PMFBP1: variants seen among roughly 807,000 people sequenced by gnomAD.
PMFBP1 encodes the protein polyamine-modulated factor 1-binding protein 1.
In PMFBP1, 131 loss-of-function variants were observed where a neutral mutation model predicts 137.8. The observed-to-expected ratio is 0.95, with a 90% CI of 0.82 to 1.10. The LOEUF is 1.10. Among genes scored for constraint, PMFBP1 ranks in the 50% least tolerant of loss-of-function variants. The pLI, the probability that PMFBP1 is intolerant of heterozygous loss-of-function variation, is 0.00. For missense variants in PMFBP1, 1,199 were observed against 1,175.4 expected, an observed-to-expected ratio of 1.02 and a Z score of -0.29; for synonymous variants, 490 against 450.4, an observed-to-expected ratio of 1.09 and a Z score of -1.11.
the PMFBP1 span, among the ~76,000 whole-genome samples, chr16:72,190,200 C>A: frequency 1.3e-5 from 2 of 152,262 alleles, no homozygotes; most frequent in Non-Finnish European, 2.9e-5. Flanking sequence ...AATCTCCTGA[C>A]CTTTGTTAGT....
the PMFBP1 span, among the ~76,000 whole-genome samples, chr16:72,200,789 C>T: frequency 1.3e-5 from 2 of 152,174 alleles, no homozygotes; most frequent in Non-Finnish European, 2.9e-5. Context: ...TAGGTGGGTG[C>T]ATTTTAAAGA....
the PMFBP1 span, among the ~76,000 whole-genome samples, chr16:72,205,744 T>C: frequency 2.0e-5 from 3 of 152,308 alleles, no homozygotes; most frequent in South Asian, 6.2e-4. Flanking sequence ...CATAGAGTTC[T>C]TGGAGATCAT....
At chr16:72,196,530 C>A in the PMFBP1 span, among the ~76,000 whole-genome samples, 1 of 152,252 alleles carries the variant, frequency 6.6e-6, no homozygotes, top group Non-Finnish European at 1.5e-5. Context: ...TCTAACCCTA[C>A]CATTTCACTC....
chr16:72,205,350 G>A, the PMFBP1 span, among the ~76,000 whole-genome samples: 1 of 152,244 alleles, frequency 6.6e-6, no homozygotes, highest in Non-Finnish European at 1.5e-5. Context: ...TCCTGCTACC[G>A]ATTTTCCCTG....
chr16:72,207,002 C>T, the PMFBP1 span, among the ~76,000 whole-genome samples: 1 of 151,840 alleles, frequency 6.6e-6, no homozygotes, highest in Admixed American at 6.6e-5. Context: ...GCTCCAATGG[C>T]CTGGAGCTCC....
Position 72,130,638 on chromosome 16 carries a change from A to G in PMFBP1, c.1532T>C (p.Leu511Pro). 2 of 1,613,822 alleles carry G rather than the reference A, an allele frequency of 1.2e-6. No individual in the cohort carries two copies. Among genetic ancestry groups the G allele is most frequent in the African/African-American group, 1.3e-5 (1 of 74,922 alleles). Residue 511 changes from leucine (L) to proline (P), a missense_variant, in exon 11 of 21, where the codon CTC becomes CCC. Transcript: ENST00000237353. Reference protein sequence around the residue: ...EDTQRKLQKGLLLDKQKADTI... With the variant: ...EDTQRKLQKGPLLDKQKADTI... ...GTCTGCCTTCTGCTTGTCCAGGAGG[A>G]GACCCTTCTGCAGTTTCCTCTGGGT...
At chr16:72,196,466 A>T in the PMFBP1 span, among the ~76,000 whole-genome samples, 8,024 of 152,226 alleles carry the variant, frequency 0.053, 560 homozygotes, top group South Asian at 0.32. Flanking sequence ...ATCAGTAAAC[A>T]TAACACCTGT....
chr16:72,213,624 A>T, the PMFBP1 span, among the ~76,000 whole-genome samples: 2 of 152,312 alleles, frequency 1.3e-5, no homozygotes, highest in African/African-American at 4.8e-5. Flanking sequence ...AGACATCCTG[A>T]GTTAGAGGAC....
the PMFBP1 span, among the ~76,000 whole-genome samples, chr16:72,224,069 T>C: frequency 2.0e-5 from 3 of 152,190 alleles, no homozygotes; most frequent in Non-Finnish European, 4.4e-5. Flanking sequence ...CTGAGTTCTC[T>C]GAAGTGATAA....
the PMFBP1 span, among the ~76,000 whole-genome samples, chr16:72,245,785 CCT>C: frequency 6.6e-6 from 1 of 152,052 alleles, no homozygotes; most frequent in South Asian, 2.1e-4. Context: ...ATGGCTTCTC[CCT>C]CTCTCTCTCC....
intron 3 of PMFBP1, among the ~76,000 whole-genome samples, chr16:72,155,661 G>T (rs1417349017): frequency 1.3e-5 from 2 of 152,104 alleles, no homozygotes; most frequent in Non-Finnish European, 2.9e-5. Context: ...CTAATACCGT[G>T]GCTTTCAAAT....
At chr16:72,143,955 C>A (rs958765956) in intron 5 of PMFBP1, among the ~76,000 whole-genome samples, 2 of 151,830 alleles carry the variant, frequency 1.3e-5, no homozygotes, top group African/African-American at 2.4e-5. Context: ...GCAGGAGAAT[C>A]GCTTGAACCT....
intron 3 of PMFBP1, among the ~76,000 whole-genome samples, chr16:72,157,264 A>T (rs984999244): frequency 1.3e-5 from 2 of 152,006 alleles, no homozygotes; most frequent in Non-Finnish European, 2.9e-5. Flanking sequence ...GGAGAGCGAA[A>T]ACTAAGCAAG....
the PMFBP1 span, among the ~76,000 whole-genome samples, chr16:72,208,847 T>G: frequency 1.3e-5 from 2 of 152,218 alleles, no homozygotes; most frequent in Non-Finnish European, 2.9e-5. Flanking sequence ...TTGTGTCAGC[T>G]GGGGCAGGTG....
the PMFBP1 span, among the ~76,000 whole-genome samples, chr16:72,240,067 A>G: frequency 3.9e-5 from 6 of 152,146 alleles, no homozygotes; most frequent in Non-Finnish European, 8.8e-5. Context: ...AATGCACAGA[A>G]CATTTCAGCT....
intron 15 of PMFBP1, 77 bp from the exon 16 acceptor site, chr16:72,125,482 T>G (rs1597459930): frequency 6.9e-7 from 1 of 1,457,464 alleles, no homozygotes; most frequent in Non-Finnish European, 9.3e-7. Flanking sequence ...TGGAGGAGGG[T>G]TCCAGTCCCT....
At chr16:72,142,003 C>T (rs1597473166) in intron 5 of PMFBP1, among the ~76,000 whole-genome samples, 1 of 115,362 alleles carries the variant, frequency 8.7e-6, no homozygotes, top group South Asian at 3.2e-4. Context: ...AATTGATATA[C>T]ATCGTGAAAA....
chr16:72,249,079 G>C, the PMFBP1 span, among the ~76,000 whole-genome samples: 2 of 151,014 alleles, frequency 1.3e-5, no homozygotes. Context: ...TATTAAATTT[G>C]TGTAAGAAAA....
At chr16:72,222,399 C>T in the PMFBP1 span, among the ~76,000 whole-genome samples, 1 of 152,262 alleles carries the variant, frequency 6.6e-6, no homozygotes, top group Non-Finnish European at 1.5e-5. Flanking sequence ...CTCCTTCCTC[C>T]TTCTATCTCT....
Sources: allele counts gnomAD v4.1 joint callset (sites outside exome capture counted in the v4.1 genomes callset), GRCh38; gene constraint gnomAD v4.1.1; transcripts MANE v1.5; gene names NCBI Gene and HGNC (gene_info 2026-07-23, HGNC 2026-07-21).